Variants in CAMTA1 observed in about 807,000 individuals in gnomAD.
CAMTA1 encodes the protein calmodulin binding transcription activator 1.
A neutral mutation model predicts 170.9 loss-of-function variants in CAMTA1; 27 were observed. The ratio of observed to expected loss-of-function variants is 0.16; its 90% CI spans 0.12 to 0.22. The LOEUF (loss-of-function observed/expected upper bound fraction) is 0.22. Among genes scored for constraint, CAMTA1 ranks in the 10% least tolerant of loss-of-function variants. CAMTA1 has a pLI of 1.00. For missense variants in CAMTA1, 1,619 were observed against 2,217.2 expected, an observed-to-expected ratio of 0.73 and a Z score of 5.42; for synonymous variants, 833 against 891.5, an observed-to-expected ratio of 0.93 and a Z score of 1.17.
chr1:7,053,369 C>A (rs185833255), intron 3 of CAMTA1, among the ~76,000 whole-genome samples: 1 of 152,200 alleles, frequency 6.6e-6, no homozygotes. Context: ...GCTGTCTTCT[C>A]GCGGCGAGGT....
chr1:7,559,790 C>G (rs10465702), intron 6 of CAMTA1, among the ~76,000 whole-genome samples: 58,123 of 151,924 alleles, frequency 0.38, 13,797 homozygotes, highest in African/African-American at 0.67. Flanking sequence ...CCGATGTCCT[C>G]TGAGCATCCT....
At chr1:7,654,973 CACACACACCTAT>C (rs796472760) in intron 7 of CAMTA1, among the ~76,000 whole-genome samples, 5,097 of 147,576 alleles carry the variant, frequency 0.035, 343 homozygotes, top group East Asian at 0.17. Context: ...CCCACCTATA[CACACACACCTAT>C]ACACACACCC....
chr1:7,034,007 T>C (rs566499022), intron 3 of CAMTA1, among the ~76,000 whole-genome samples: 3 of 152,328 alleles, frequency 2.0e-5, no homozygotes, highest in East Asian at 3.9e-4. Context: ...CAGAACATCA[T>C]TGAGTTCAGG....
chr1:7,564,486 G>A (rs538130021), intron 6 of CAMTA1, among the ~76,000 whole-genome samples: 2 of 152,210 alleles, frequency 1.3e-5, no homozygotes, highest in Non-Finnish European at 2.9e-5. Flanking sequence ...GTGGGAAAAC[G>A]GGCTCCTCTG....
chr1:7,344,927 T>C (rs1369399389), intron 5 of CAMTA1, among the ~76,000 whole-genome samples: 1 of 151,864 alleles, frequency 6.6e-6, no homozygotes, highest in Non-Finnish European at 1.5e-5. Context: ...TTTTTGTATT[T>C]TTTTTAGTAG....
chr1:7,127,132 G>T (rs138847166), intron 4 of CAMTA1, among the ~76,000 whole-genome samples: 2 of 151,966 alleles, frequency 1.3e-5, no homozygotes, highest in Non-Finnish European at 2.9e-5. Context: ...GGCTGAGCCC[G>T]CAGACGTGGG....
intron 5 of CAMTA1, among the ~76,000 whole-genome samples, chr1:7,301,398 C>A (rs149252669): frequency 5.0e-4 from 76 of 152,310 alleles, no homozygotes; most frequent in East Asian, 4.2e-3. Context: ...ATAGATGGCT[C>A]TGTTGATCAA....
chr1:7,048,128 G>A (rs913679769), intron 3 of CAMTA1, among the ~76,000 whole-genome samples: 1 of 152,142 alleles, frequency 6.6e-6, no homozygotes, highest in Non-Finnish European at 1.5e-5. Flanking sequence ...TTTCAGCGGG[G>A]AGGGTGGAGG....
intron 11 of CAMTA1, among the ~76,000 whole-genome samples, chr1:7,731,240 A>T (rs1476609313): frequency 6.6e-6 from 1 of 152,130 alleles, no homozygotes; most frequent in Non-Finnish European, 1.5e-5. Flanking sequence ...TGTAGAAGTG[A>T]AGTACCTATT....
chr1:7,624,539 G>A (rs906417182), intron 6 of CAMTA1, among the ~76,000 whole-genome samples: 6 of 152,350 alleles, frequency 3.9e-5, no homozygotes, highest in African/African-American at 1.4e-4. Context: ...CCTTGGTGAA[G>A]GTGGAAGAGA....
intron 5 of CAMTA1, among the ~76,000 whole-genome samples, chr1:7,298,420 C>T (rs1210912446): frequency 6.6e-6 from 1 of 152,090 alleles, no homozygotes; most frequent in Non-Finnish European, 1.5e-5. Flanking sequence ...CTCTGAGGGC[C>T]AGTGAGTATC....
chr1:7,740,022 A>T (rs1171345216), intron 16 of CAMTA1, among the ~76,000 whole-genome samples: 2 of 152,172 alleles, frequency 1.3e-5, no homozygotes, highest in Non-Finnish European at 2.9e-5. Context: ...GGACACAGTC[A>T]AACCATATCA....
At chr1:7,126,084 A>G (rs1237561620) in intron 4 of CAMTA1, among the ~76,000 whole-genome samples, 1 of 152,206 alleles carries the variant, frequency 6.6e-6, no homozygotes, top group Admixed American at 6.5e-5. Context: ...GAAACCACGT[A>G]TAAAACCATC....
At chr1:6,981,564 C>T (rs1694442489) in intron 3 of CAMTA1, among the ~76,000 whole-genome samples, 1 of 152,068 alleles carries the variant, frequency 6.6e-6, no homozygotes, top group Non-Finnish European at 1.5e-5. Flanking sequence ...TTCTGAGTAG[C>T]TGGGACCATA....
chr1:7,397,560 G>A (rs2089427062), intron 5 of CAMTA1, among the ~76,000 whole-genome samples: 1 of 151,876 alleles, frequency 6.6e-6, no homozygotes, highest in Non-Finnish European at 1.5e-5. Context: ...GGTTTAGCTT[G>A]TTCTTGTTTT....
At position 7,084,586 on chromosome 1, in the gene CAMTA1, G is replaced by A. The variant is rs888099799; in HGVS notation, c.235-6718G>A. ...CGGCTCGTCACCTCAGAGGTGGACC[G>A]AGGGGGGCAGGGGGCCCTGCTCTCC... On this transcript the variant is annotated intron_variant, in intron 3 of 22. Transcript: ENST00000303635. Among the ~76,000 whole-genome samples the A allele has an allele frequency of 4.6e-5, 7 of 152,248 alleles. 1 individual carries two copies. The East Asian group carries it at 7.7e-4, about 17-fold the overall frequency.
Position 7,691,471 on chromosome 1 carries a change from G to C in CAMTA1, c.2914+13738G>C, listed in dbSNP as rs530570555. ...CCACATGGAGAACAGATTGAAGGAG[G>C]CTCAGAGAGGGTGAGGGGAGACCAG... On this transcript the variant is annotated intron_variant, in intron 11 of 22. Coordinates refer to ENST00000303635, the MANE Select transcript of CAMTA1 (RefSeq NM_015215.4). Among the ~76,000 whole-genome samples, 4 of 152,320 alleles carry C rather than the reference G, an allele frequency of 2.6e-5. No individual in the cohort carries two copies. In the South Asian group the frequency reaches 8.3e-4, roughly 32 times the overall value.
intron 3 of CAMTA1, among the ~76,000 whole-genome samples, chr1:7,026,339 C>T (rs914035572): frequency 6.6e-6 from 1 of 151,714 alleles, no homozygotes; most frequent in Non-Finnish European, 1.5e-5. Flanking sequence ...CATGATATTC[C>T]TATATGTCCA....
chr1:7,409,921 T>C (rs1046863623), intron 5 of CAMTA1, among the ~76,000 whole-genome samples: 6 of 152,164 alleles, frequency 3.9e-5, no homozygotes, highest in African/African-American at 1.4e-4. Context: ...GGCTGAGGCC[T>C]GGACCTGGCC....
Sources: gnomAD v4.1 joint callset for allele counts (sites outside exome capture counted in the v4.1 genomes callset) on GRCh38, gnomAD v4.1.1 for gene constraint, MANE v1.5 for transcripts, NCBI Gene and HGNC (gene_info 2026-07-23, HGNC 2026-07-21) for gene names.